The following B3GAT2 variants were observed in gnomAD, a reference collection of about 807,000 sequenced individuals.
The protein encoded by B3GAT2 is galactosylgalactosylxylosylprotein 3-beta-glucuronosyltransferase 2.
Under a neutral mutation model 27.8 loss-of-function variants are expected in B3GAT2, and 26 were observed. The ratio of observed to expected loss-of-function variants is 0.93; its 90% CI spans 0.68 to 1.30. The LOEUF (loss-of-function observed/expected upper bound fraction) is 1.30, where lower values mean the gene tolerates loss of function less well. Among genes scored for constraint, B3GAT2 ranks in the 50% most tolerant of loss-of-function variants. The probability of loss-of-function intolerance (pLI) is 0.00; values close to 1 mark genes in which losing one functional copy is unlikely to be tolerated. For missense variants in B3GAT2, 458 were observed against 459.0 expected (o/e 1.00, Z 0.02); for synonymous variants, 218 against 195.1 (o/e 1.12, Z -0.98).
chr6:70,899,402 G>A (rs1582365158), intron 1 of B3GAT2, among the ~76,000 whole-genome samples: 1 of 152,148 alleles, frequency 6.6e-6, no homozygotes, highest in Non-Finnish European at 1.5e-5. Context: ...GAAAATGTAG[G>A]TTTTGCTTAG....
rs1765649464 is a variant in B3GAT2 at position 70,956,009 on chromosome 6, G to T, written c.421C>A (p.His141Asn). The T allele has an allele frequency of 6.7e-7, 1 of 1,488,334 alleles. No homozygotes were observed. The highest frequency in any genetic ancestry group is 1.5e-5 in the African/African-American group (1 of 68,040). 92.2% of individuals were successfully genotyped at this position (1,488,334 alleles called of 1,614,324 possible). Reference protein sequence around the residue: ...ARAGLPSTHLHVPTPRRYKRP... With the variant: ...ARAGLPSTHLNVPTPRRYKRP... ...TTGTAGCGCCGCGGCGTGGGCACGTGCAGGTGAGTGCTGGGCAGCCCGGCC... is the reference window on the plus strand; with the variant it reads ...TTGTAGCGCCGCGGCGTGGGCACGTTCAGGTGAGTGCTGGGCAGCCCGGCC... The change falls in exon 1 of 4, where the codon CAC (histidine) becomes AAC (asparagine). Residue 141 changes from histidine (H) to asparagine (N), a missense_variant. Transcript: ENST00000230053.
chr6:70,952,322 T>C (rs1765590356), intron 1 of B3GAT2, among the ~76,000 whole-genome samples: 1 of 152,152 alleles, frequency 6.6e-6, no homozygotes, highest in Admixed American at 6.5e-5. Context: ...TCAAAATTTC[T>C]AAAGTTTTTT....
At chr6:70,918,683 G>C (rs1048595051) in intron 1 of B3GAT2, among the ~76,000 whole-genome samples, 5 of 152,102 alleles carry the variant, frequency 3.3e-5, no homozygotes, top group African/African-American at 1.2e-4. Flanking sequence ...TGAAATTCTG[G>C]GTTAAAAATT....
At position 70,894,165 on chromosome 6, in the gene B3GAT2, G is replaced by C; in HGVS notation, c.699C>G (p.Gly233=). ...ENGKVVGWYT[G]WRADRPFAID... Reference sequence around the variant, plus strand: ...TGGCAAAAGGCCTGTCTGCTCTCCAGCCGGTGTACCAGCCAACAACTTTGC... The same window carrying C: ...TGGCAAAAGGCCTGTCTGCTCTCCACCCGGTGTACCAGCCAACAACTTTGC... Residue 233 remains glycine, a synonymous_variant, in exon 2 of 4, where the codon GGC becomes GGG. Transcript: ENST00000230053. 6.2e-7 allele frequency: 1 copy of C among 1,613,462 alleles called. No individual in the cohort carries two copies. Among genetic ancestry groups the C allele is most frequent in the Non-Finnish European group, 8.5e-7 (1 of 1,179,572 alleles).
chr6:70,953,760 A>C (rs1254129575), intron 1 of B3GAT2, among the ~76,000 whole-genome samples: 2 of 152,132 alleles, frequency 1.3e-5, no homozygotes, highest in African/African-American at 4.8e-5. Flanking sequence ...TAGTGTCTTG[A>C]AAGTTTTGCG....
chr6:70,905,444 G>A (rs558929877), intron 1 of B3GAT2, among the ~76,000 whole-genome samples: 1 of 152,226 alleles, frequency 6.6e-6, no homozygotes, highest in African/African-American at 2.4e-5. Flanking sequence ...GATATCAAAA[G>A]GAAAACTTAA....
At chr6:70,888,546 G>T (rs10945264) in intron 2 of B3GAT2, among the ~76,000 whole-genome samples, 8 of 151,920 alleles carry the variant, frequency 5.3e-5, no homozygotes, top group African/African-American at 7.3e-5. Context: ...AGCCCGCTAC[G>T]GGCTCATTAC....
intron 2 of B3GAT2, among the ~76,000 whole-genome samples, chr6:70,867,188 G>C (rs1771865030): frequency 6.6e-6 from 1 of 151,890 alleles, no homozygotes; most frequent in Non-Finnish European, 1.5e-5. Context: ...TGGGAAACTA[G>C]TTTTTAGAAA....
intron 1 of B3GAT2, among the ~76,000 whole-genome samples, chr6:70,908,775 G>C (rs1772640230): frequency 6.6e-6 from 1 of 152,042 alleles, no homozygotes; most frequent in Admixed American, 6.5e-5. Flanking sequence ...GGTTGGAACT[G>C]GATGCAGGAT....
At chr6:70,918,798 C>T (rs1267558843) in intron 1 of B3GAT2, among the ~76,000 whole-genome samples, 2 of 152,004 alleles carry the variant, frequency 1.3e-5, no homozygotes, top group Non-Finnish European at 2.9e-5. Flanking sequence ...TTGTGGGTAA[C>T]CCGACCTTTC....
At chr6:70,905,519 C>T (rs963607270) in intron 1 of B3GAT2, among the ~76,000 whole-genome samples, 5 of 152,146 alleles carry the variant, frequency 3.3e-5, no homozygotes, top group Non-Finnish European at 5.9e-5. Context: ...TAATGTACTC[C>T]GATAACCTAC....
At chr6:70,950,134 G>A (rs564052503) in intron 1 of B3GAT2, among the ~76,000 whole-genome samples, 5 of 151,612 alleles carry the variant, frequency 3.3e-5, no homozygotes, top group Non-Finnish European at 7.4e-5. Context: ...CAGCACACCA[G>A]CATGGCACAT....
intron 1 of B3GAT2, among the ~76,000 whole-genome samples, chr6:70,903,409 G>A (rs923661284): frequency 6.6e-6 from 1 of 151,930 alleles, no homozygotes; most frequent in African/African-American, 2.4e-5. Context: ...GATACTATTA[G>A]GAAAATTTTT....
At position 70,893,487 on chromosome 6, in the gene B3GAT2, T is replaced by C. The variant is rs531696378; in HGVS notation, c.736+641A>G. On this transcript the variant is annotated intron_variant, in intron 2 of 3. Transcript: ENST00000230053. ...CACAGGCATCATTTTCTATAACCCATAGAAAATGAGTTGTTTTATGATAAA... is the reference window on the plus strand; with the variant it reads ...CACAGGCATCATTTTCTATAACCCACAGAAAATGAGTTGTTTTATGATAAA... 4.0e-5 allele frequency among the ~76,000 whole-genome samples: 6 copies of C among 151,776 alleles called. No individual in the cohort carries two copies. The South Asian group carries it at 6.3e-4, about 16-fold the overall frequency.
At chr6:70,909,360 T>C (rs1361874955) in intron 1 of B3GAT2, among the ~76,000 whole-genome samples, 1 of 152,198 alleles carries the variant, frequency 6.6e-6, no homozygotes, top group African/African-American at 2.4e-5. Flanking sequence ...ATATGGGAAA[T>C]CATATGTAAA....
At chr6:70,937,264 C>T (rs973430346) in intron 1 of B3GAT2, among the ~76,000 whole-genome samples, 10 of 151,342 alleles carry the variant, frequency 6.6e-5, no homozygotes, top group African/African-American at 2.4e-4. Flanking sequence ...TAATCAATAG[C>T]TTACCAACCA....
intron 1 of B3GAT2, among the ~76,000 whole-genome samples, chr6:70,898,163 G>T (rs1433907767): frequency 6.6e-6 from 1 of 152,240 alleles, no homozygotes; most frequent in Admixed American, 6.5e-5. Flanking sequence ...GATAGAGATT[G>T]CATTGAATCT....
At chr6:70,950,203 A>G (rs1175016606) in intron 1 of B3GAT2, among the ~76,000 whole-genome samples, 1 of 151,872 alleles carries the variant, frequency 6.6e-6, no homozygotes, top group Non-Finnish European at 1.5e-5. Context: ...TTAAAGTATA[A>G]TAATAATAAA....
intron 2 of B3GAT2, among the ~76,000 whole-genome samples, chr6:70,879,248 A>C (rs1313981513): frequency 6.6e-6 from 1 of 152,050 alleles, no homozygotes. Context: ...TTTTGCCCTC[A>C]CACAGACATA....
Sources: gnomAD v4.1 joint callset for allele counts (sites outside exome capture counted in the v4.1 genomes callset) on GRCh38, gnomAD v4.1.1 for gene constraint, MANE v1.5 for transcripts, NCBI Gene and HGNC (gene_info 2026-07-23, HGNC 2026-07-21) for gene names.